NIPBL: variants seen among roughly 807,000 people sequenced by gnomAD.
NIPBL encodes nipped-B-like protein.
Under a neutral mutation model 321.8 loss-of-function variants are expected in NIPBL, and 19 were observed. That is an observed-to-expected ratio of 0.06 (90% confidence interval 0.04 to 0.09). The LOEUF is 0.09. Among genes scored for constraint, NIPBL ranks in the 10% least tolerant of loss-of-function variants. NIPBL has a pLI of 1.00. For missense variants in NIPBL, 2,210 were observed against 3,327.0 expected, an observed-to-expected ratio of 0.66 and a Z score of 8.26; for synonymous variants, 1,106 against 1,114.1, an observed-to-expected ratio of 0.99 and a Z score of 0.14.
chr5:36,885,278 G>T, intron 1 of NIPBL: 1 of 507,084 alleles, frequency 2.0e-6, no homozygotes. Context: ...ACCCAGCTAT[G>T]GTGCCTGACT....
chr5:36,912,751 C>A (rs1319692741), intron 1 of NIPBL, among the ~76,000 whole-genome samples: 2 of 152,068 alleles, frequency 1.3e-5, no homozygotes, highest in African/African-American at 2.4e-5. Context: ...CCACCCGCCT[C>A]GGCCTCCCAG....
chr5:37,000,999 C>T lies in NIPBL; in HGVS notation c.3585C>T (p.Asp1195=). 6.2e-7 allele frequency: 1 copy of T among 1,610,770 alleles called. No individual in the cohort carries two copies. The highest frequency in any genetic ancestry group is 8.5e-7 in the Non-Finnish European group (1 of 1,177,368). ...EPKLTPEEMM[D]SSTFKRFTAS... is the part of the protein sequence containing the mutation. ...TTTTCTCTCTTGCAGAAATGATGGA[C>T]TCTTCAACTTTTAAGAGATTCACAG... The change falls in exon 14 of 47, where the codon GAC becomes GAT. Residue 1195 remains aspartate, a synonymous_variant. Coordinates refer to ENST00000282516, the MANE Select transcript of NIPBL (RefSeq NM_133433.4).
chr5:36,983,928 A>C (rs1009012561), intron 9 of NIPBL, among the ~76,000 whole-genome samples: 5 of 151,984 alleles, frequency 3.3e-5, no homozygotes. Flanking sequence ...CTTCAGTGGA[A>C]GTTGCTTAAG....
rs794727675 is a variant in NIPBL, at chr5:37,058,943, A to G, written c.7463A>G (p.Asn2488Ser). Residue 2488 changes from asparagine to serine, a missense_variant, in exon 44 of 47, where the codon AAT becomes AGT. By Grantham distance (46) the Asn-to-Ser change is conservative (BLOSUM62 1). This residue lies in a region of NIPBL where 79 missense variants were observed against 90.8 expected (regional missense o/e 0.87). Transcript: ENST00000282516. ...KERKSSPSKENESSDSEEEVS... is the reference protein window; with the variant it reads ...KERKSSPSKESESSDSEEEVS... ...AGAAAATCATCACCTAGTAAGGAAA[A>G]TGAGTCAAGCGACAGTGAAGAAGAA... 7.4e-6 allele frequency: 12 copies of G among 1,614,082 alleles called. No individual in the cohort carries two copies. In the Admixed American group the frequency reaches 1.7e-4, roughly 22 times the overall value.
At position 37,059,049 on chromosome 5, in the gene NIPBL, G is replaced by T. The variant is rs755159074; in HGVS notation, c.7569G>T (p.Met2523Ile). The T allele has an allele frequency of 1.2e-6, 2 of 1,614,202 alleles. No individual in the cohort carries two copies. Among genetic ancestry groups the T allele is most frequent in the Non-Finnish European group, 1.7e-6 (2 of 1,180,026 alleles). Reference sequence around the variant, plus strand: ...CAGAAGACGATATAAATTCAGTGATGAAATGTTTGCCAGAAAATTCAGCTC... The same window carrying T: ...CAGAAGACGATATAAATTCAGTGATTAAATGTTTGCCAGAAAATTCAGCTC... ...SDSEDDINSV[M>I]KCLPENSAPL... The change falls in exon 44 of 47, where the codon ATG (methionine) becomes ATT (isoleucine). Residue 2523 changes from methionine (M) to isoleucine (I), a missense_variant. Physicochemically the swap from Met to Ile is conservative, Grantham distance 10 (BLOSUM62 1). Around this residue, in one of 14 missense-constraint regions of NIPBL, gnomAD observed 79 missense variants for 90.8 expected, o/e 0.87. Transcript: ENST00000282516.
chr5:36,923,170 G>GGTA (rs1749084639), intron 1 of NIPBL, among the ~76,000 whole-genome samples: 3 of 151,876 alleles, frequency 2.0e-5, no homozygotes, highest in Admixed American at 6.6e-5. Flanking sequence ...GCTGGGTGTG[G>GGTA]TGGCGTGCAC....
intron 44 of NIPBL, among the ~76,000 whole-genome samples, chr5:37,060,209 T>A (rs1754522717): frequency 6.6e-6 from 1 of 152,212 alleles, no homozygotes; most frequent in Non-Finnish European, 1.5e-5. Flanking sequence ...AGGGTCTCGC[T>A]CTGATGCCCA....
intron 1 of NIPBL, among the ~76,000 whole-genome samples, chr5:36,879,635 C>T (rs1745358965): frequency 1.3e-5 from 2 of 152,060 alleles, no homozygotes; most frequent in Admixed American, 6.5e-5. Flanking sequence ...AGTGGCTAAT[C>T]ATCTATTTCC....
rs150202728 is a variant in NIPBL at position 36,890,333 on chromosome 5, G to A, written c.-80+13155G>A. 8.2e-3 allele frequency among the ~76,000 whole-genome samples: 1,241 copies of A among 152,236 alleles called. 11 individuals are homozygous for A. Among genetic ancestry groups the A allele is most frequent in the African/African-American group, 0.028 (1,177 of 41,548 alleles). On this transcript the variant is annotated intron_variant, in intron 1 of 46. Coordinates refer to ENST00000282516, the MANE Select transcript of NIPBL (RefSeq NM_133433.4). ...CTGTAAGTGGAAGTTGGGTCAAAAG[G>A]TTTGAACATTTTTATGGCCTTTAAT...
At chr5:37,020,752 T>A (rs1182794392) in intron 26 of NIPBL, 23 bp from the exon 27 acceptor site, 3 of 1,609,950 alleles carry the variant, frequency 1.9e-6, no homozygotes, top group East Asian at 2.2e-5. Flanking sequence ...GAAAAATAAA[T>A]TTTTAATGAC....
chr5:37,032,091 C>A (rs1327353372), intron 32 of NIPBL, among the ~76,000 whole-genome samples: 2 of 152,154 alleles, frequency 1.3e-5, no homozygotes, highest in South Asian at 2.1e-4. Context: ...TCATCAGTAA[C>A]TCTGAGGGTA....
chr5:36,986,756 T>A (rs926710936), intron 10 of NIPBL, among the ~76,000 whole-genome samples: 38 of 152,164 alleles, frequency 2.5e-4, no homozygotes, highest in African/African-American at 8.7e-4. Flanking sequence ...ATTTTTCATT[T>A]TGTTGGGGAG....
intron 17 of NIPBL, among the ~76,000 whole-genome samples, chr5:37,006,980 G>A (rs1001541512): frequency 1.3e-5 from 2 of 151,902 alleles, no homozygotes; most frequent in Non-Finnish European, 2.9e-5. Flanking sequence ...CCTAAGTATA[G>A]TTCCTGAATA....
chr5:37,027,533 A>T, intron 32 of NIPBL, 121 bp downstream of exon 32: 1 of 714,952 alleles, frequency 1.4e-6, no homozygotes. Context: ...TTGGTAGGGA[A>T]AATTTATTTC....
intron 11 of NIPBL, among the ~76,000 whole-genome samples, chr5:36,999,684 A>AGGT (rs1746559340): frequency 6.6e-6 from 1 of 152,200 alleles, no homozygotes. Flanking sequence ...AAAAGATTGA[A>AGGT]GGTAACATAC....
chr5:36,917,294 T>A (rs1361496061), intron 1 of NIPBL, among the ~76,000 whole-genome samples: 1 of 152,264 alleles, frequency 6.6e-6, no homozygotes, highest in African/African-American at 2.4e-5. Flanking sequence ...TGTCTTCTTT[T>A]GAGAAGTGTC....
Position 36,953,691 on chromosome 5 carries a change from T to C in NIPBL, c.-6T>C. On this transcript the variant is annotated 5_prime_UTR_variant, in exon 2 of 47. Transcript: ENST00000282516. ...TTTATAGGCAACACCATTCCAGAAA[T>C]TCAGGATGAATGGGGATATGCCCCA... 1 of 1,613,546 alleles carries C rather than the reference T, an allele frequency of 6.2e-7. No individual in the cohort carries two copies. Among genetic ancestry groups the C allele is most frequent in the South Asian group, 1.1e-5 (1 of 91,066 alleles).
chr5:37,013,181 A>G, intron 21 of NIPBL, among the ~76,000 whole-genome samples: 1 of 142,948 alleles, frequency 7.0e-6, no homozygotes, highest in Non-Finnish European at 1.5e-5. Context: ...TGACCCCCCC[A>G]CCTCCCTCCC....
At chr5:37,061,986 C>T (rs142666612) in intron 45 of NIPBL, among the ~76,000 whole-genome samples, 402 of 152,222 alleles carry the variant, frequency 2.6e-3, no homozygotes, top group African/African-American at 9.3e-3. Context: ...GGATTACAGG[C>T]GCCAGCCACC....
Sources: gnomAD v4.1 joint callset for allele counts (sites outside exome capture counted in the v4.1 genomes callset) on GRCh38, gnomAD v4.1.1 for gene constraint, gnomAD v4.1.1 regional missense constraint, MANE v1.5 for transcripts, NCBI Gene and HGNC (gene_info 2026-07-23, HGNC 2026-07-21) for gene names.